PLCL2: variants seen among roughly 807,000 people sequenced by gnomAD.
The protein encoded by PLCL2 is inactive phospholipase C-like protein 2.
PLCL2 carries 4 observed loss-of-function variants against 79.6 expected under a neutral mutation model. The ratio of observed to expected loss-of-function variants is 0.05; its 90% CI spans 0.02 to 0.11. PLCL2 has a LOEUF of 0.11. Ranked by LOEUF, PLCL2 falls within the 10% of genes least tolerant of loss-of-function variation. PLCL2 has a pLI of 1.00. For missense variants in PLCL2, 895 were observed against 1,291.0 expected (o/e 0.69, Z 4.70); for synonymous variants, 484 against 457.7 (o/e 1.06, Z -0.73).
At chr3:16,991,739 C>T (rs1272383457) in intron 1 of PLCL2, among the ~76,000 whole-genome samples, 1 of 152,000 alleles carries the variant, frequency 6.6e-6, no homozygotes, top group Non-Finnish European at 1.5e-5. Context: ...TAAATTAATG[C>T]TTTCAAAGTA....
chr3:16,950,121 T>A (rs2063637296), intron 1 of PLCL2, among the ~76,000 whole-genome samples: 1 of 152,246 alleles, frequency 6.6e-6, no homozygotes, highest in African/African-American at 2.4e-5. Context: ...TTCAACTATC[T>A]TGTATTTGTT....
At chr3:16,941,387 C>G (rs1488001057) in intron 1 of PLCL2, among the ~76,000 whole-genome samples, 1 of 152,102 alleles carries the variant, frequency 6.6e-6, no homozygotes, top group Non-Finnish European at 1.5e-5. Context: ...AAAGGCCAAT[C>G]AGATGATTCT....
intron 3 of PLCL2, among the ~76,000 whole-genome samples, chr3:17,030,006 A>C (rs2064563730): frequency 6.6e-6 from 1 of 152,176 alleles, no homozygotes; most frequent in African/African-American, 2.4e-5. Context: ...ACCTATGCAC[A>C]AGACTGCACC....
chr3:17,022,841 C>T (rs1405315987), intron 3 of PLCL2, among the ~76,000 whole-genome samples: 1 of 152,180 alleles, frequency 6.6e-6, no homozygotes, highest in Non-Finnish European at 1.5e-5. Context: ...TCTTACCTCT[C>T]TTATGAGGGA....
chr3:17,068,704 A>C (rs1383715269), intron 5 of PLCL2, among the ~76,000 whole-genome samples: 1 of 152,210 alleles, frequency 6.6e-6, no homozygotes, highest in Non-Finnish European at 1.5e-5. Flanking sequence ...AGGTAAACAC[A>C]ATCCCATCAT....
intron 1 of PLCL2, among the ~76,000 whole-genome samples, chr3:16,902,741 C>T (rs765993871): frequency 1.3e-5 from 2 of 150,664 alleles, no homozygotes; most frequent in Non-Finnish European, 2.9e-5. Context: ...GCAGGAGAAT[C>T]GCTTGAACCC....
rs763210991 is a variant in PLCL2 at position 16,885,345 on chromosome 3, C to T, written c.306C>T (p.Pro102=). Residue 102 remains proline, a synonymous_variant, in exon 1 of 6, where the codon CCC becomes CCT. Transcript: ENST00000615277. ...LPRESKPGGL[P]RRSSIIKDGT... ...GGGAGAGCAAGCCGGGCGGCCTGCC[C>T]CGCCGGAGCAGCATCATCAAGGTAG... The T allele has an allele frequency of 3.1e-6, 2 of 652,346 alleles. No individual in the cohort carries two copies. Among genetic ancestry groups the T allele is most frequent in the South Asian group, 1.6e-5 (1 of 62,528 alleles). 40.4% of individuals were successfully genotyped at this position (652,346 alleles called of 1,614,324 possible). A position where few individuals can be genotyped will look rare whatever the true frequency, so the allele number is the denominator to read the frequency against.
At chr3:16,925,577 C>G (rs1697228034) in intron 1 of PLCL2, among the ~76,000 whole-genome samples, 1 of 152,332 alleles carries the variant, frequency 6.6e-6, no homozygotes, top group East Asian at 1.9e-4. Flanking sequence ...AAATTACTGT[C>G]TCTCTGAATT....
chr3:16,951,143 A>C (rs984186054), intron 1 of PLCL2, among the ~76,000 whole-genome samples: 1 of 152,090 alleles, frequency 6.6e-6, no homozygotes, highest in African/African-American at 2.4e-5. Context: ...TGAGTAGTTT[A>C]TGTAACATAG....
chr3:16,930,941 A>G (rs1201813798), intron 1 of PLCL2, among the ~76,000 whole-genome samples: 1 of 152,098 alleles, frequency 6.6e-6, no homozygotes, highest in African/African-American at 2.4e-5. Flanking sequence ...CCAAGATGAT[A>G]TTCTAGGCAT....
intron 1 of PLCL2, among the ~76,000 whole-genome samples, chr3:16,888,454 C>T (rs1202621695): frequency 6.6e-6 from 1 of 152,172 alleles, no homozygotes; most frequent in African/African-American, 2.4e-5. Flanking sequence ...AAATCATCAC[C>T]AGACTTTTCT....
chr3:16,969,764 C>T (rs1255483343), intron 1 of PLCL2, among the ~76,000 whole-genome samples: 1 of 151,706 alleles, frequency 6.6e-6, no homozygotes, highest in Non-Finnish European at 1.5e-5. Flanking sequence ...GATTTTGGTT[C>T]TTTTCTTCTG....
At chr3:16,970,040 A>ATG (rs1430386156) in intron 1 of PLCL2, among the ~76,000 whole-genome samples, 1 of 133,928 alleles carries the variant, frequency 7.5e-6, no homozygotes, top group African/African-American at 2.8e-5. Flanking sequence ...GCTTTGATTT[A>ATG]TATATATATA....
Position 17,082,139 on chromosome 3 carries a change from G to GTTTTTT in PLCL2, c.3205-7578_3205-7573dup, listed in dbSNP as rs58877063. 1.1e-4 allele frequency among the ~76,000 whole-genome samples: 11 copies of GTTTTTT among 101,338 alleles called. No individual in the cohort carries two copies. In the East Asian group the frequency reaches 1.9e-3, roughly 17 times the overall value. 66.5% of individuals were successfully genotyped at this position (101,338 alleles called of 152,430 possible). A position where few individuals can be genotyped will look rare whatever the true frequency, so the allele number is the denominator to read the frequency against. On this transcript the variant is annotated intron_variant, in intron 5 of 5. Coordinates refer to ENST00000615277, the MANE Select transcript of PLCL2 (RefSeq NM_001144382.2). ...AACAAACACCCCCACCTCTTTCAGA[G>GTTTTTT]TTTTTTTTTTTTTTTTTTTTTGAGA...
At position 16,887,436 on chromosome 3, in the gene PLCL2, G is replaced by A. The variant is rs537064829; in HGVS notation, c.327+2070G>A. ...TTACCAGTCCCATATTTTGTTCATT[G>A]TATTGTACCTCCAAAGAAGGCTTGA... On this transcript the variant is annotated intron_variant, in intron 1 of 5. Coordinates refer to ENST00000615277, the MANE Select transcript of PLCL2 (RefSeq NM_001144382.2). The surrounding 1 kb of genome is among the most constrained non-coding windows in gnomAD (Gnocchi z 4.1). Among the ~76,000 whole-genome samples, 27 of 152,284 alleles carry A rather than the reference G, an allele frequency of 1.8e-4. No individual in the cohort carries two copies. Among genetic ancestry groups the A allele is most frequent in the African/African-American group, 5.1e-4 (21 of 41,584 alleles).
chr3:17,053,832 A>G (rs1419969036), intron 4 of PLCL2, among the ~76,000 whole-genome samples: 1 of 152,196 alleles, frequency 6.6e-6, no homozygotes, highest in Admixed American at 6.5e-5. Context: ...CTTCCTGCCT[A>G]GGCCTCAGGT....
At chr3:16,967,476 G>A (rs149550350) in intron 1 of PLCL2, among the ~76,000 whole-genome samples, 1,534 of 152,108 alleles carry the variant, frequency 0.01, 30 homozygotes, top group African/African-American at 0.035. Context: ...GTATGAGATG[G>A]TATCTCATTG....
chr3:17,055,740 G>T (rs956039106), intron 4 of PLCL2, among the ~76,000 whole-genome samples: 6 of 152,160 alleles, frequency 3.9e-5, no homozygotes, highest in Admixed American at 2.0e-4. Context: ...CAGGTTTTGA[G>T]AACTTCTCTT....
chr3:16,949,868 A>G (rs2063634998), intron 1 of PLCL2, among the ~76,000 whole-genome samples: 1 of 152,180 alleles, frequency 6.6e-6, no homozygotes, highest in Non-Finnish European at 1.5e-5. Flanking sequence ...TTGCAAATGG[A>G]CAGCCAGTTA....
Sources: allele counts gnomAD v4.1 joint callset (sites outside exome capture counted in the v4.1 genomes callset), GRCh38; gene constraint gnomAD v4.1.1; non-coding constraint Gnocchi (gnomAD v3.1); transcripts MANE v1.5; gene names NCBI Gene and HGNC (gene_info 2026-07-23, HGNC 2026-07-21).